Variants in BRCA1 observed in about 807,000 individuals in gnomAD.
The protein encoded by BRCA1 is BRCA1 DNA repair associated.
Under a neutral mutation model 173.7 loss-of-function variants are expected in BRCA1, and 140 were observed. That is an observed-to-expected ratio of 0.81 (90% CI 0.70 to 0.93). The LOEUF is 0.93. Among genes scored for constraint, BRCA1 ranks in the 40% least tolerant of loss-of-function variants. The pLI is 0.00. For missense variants in BRCA1, 1,983 were observed against 2,172.5 expected, an observed-to-expected ratio of 0.91 and a Z score of 1.73; for synonymous variants, 662 against 756.0, an observed-to-expected ratio of 0.88 and a Z score of 2.04.
chr17:43,141,799 GA>G (rs1163362922), intron 1 of BRCA1, among the ~76,000 whole-genome samples: 5 of 149,528 alleles, frequency 3.3e-5, no homozygotes, highest in African/African-American at 7.4e-5. Context: ...GCGACAGACC[GA>G]AAAAAAAAAT....
At chr17:43,143,773 T>C (rs1003388981) in intron 1 of BRCA1, among the ~76,000 whole-genome samples, 2 of 152,126 alleles carry the variant, frequency 1.3e-5, no homozygotes, top group Admixed American at 1.3e-4. Context: ...TACACGTGAA[T>C]GGAGAGGTAG....
chr17:43,129,638 T>A (rs559963943), upstream of BRCA1, among the ~76,000 whole-genome samples: 5 of 152,242 alleles, frequency 3.3e-5, no homozygotes, highest in Middle Eastern at 0.014. Flanking sequence ...CACGCCCAGC[T>A]AATTTTTTGT....
rs397509033 is a variant in BRCA1, at chr17:43,092,459, G to T, written c.3072C>A (p.Ser1024Arg). The T allele has an allele frequency of 6.2e-7, 1 of 1,613,828 alleles. No individual in the cohort carries two copies. Among genetic ancestry groups the T allele is most frequent in the South Asian group, 1.1e-5 (1 of 91,066 alleles). ...CTCTAATGTTATTACGGCTAATTGT[G>T]CTCACTGTACTTGGAATGTTCTCAT... ...MGNENIPSTV[S>R]TISRNNIREN... Residue 1024 changes from serine to arginine, a missense_variant, in exon 10 of 23, where the codon AGC becomes AGA. Transcript: ENST00000357654.
chr17:43,083,106 G>T (rs2053092459), intron 11 of BRCA1, among the ~76,000 whole-genome samples: 1 of 151,792 alleles, frequency 6.6e-6, no homozygotes, highest in Non-Finnish European at 1.5e-5. Context: ...ATCCTGCCTA[G>T]ATTACTGGCT....
At chr17:43,154,101 A>G (rs777161922) in intron 1 of BRCA1, among the ~76,000 whole-genome samples, 1 of 152,044 alleles carries the variant, frequency 6.6e-6, no homozygotes, top group Non-Finnish European at 1.5e-5. Flanking sequence ...CAGAAGGATC[A>G]CTTGAACCCT....
chr17:43,095,784 A>C, intron 9 of BRCA1, 62 bp downstream of exon 9: 1 of 1,316,354 alleles, frequency 7.6e-7, no homozygotes, highest in Non-Finnish European at 1.1e-6. Context: ...TAATCTAATT[A>C]CAGTACTGTA....
chr17:43,127,788 G>C (rs2055925216), upstream of BRCA1, among the ~76,000 whole-genome samples: 1 of 152,056 alleles, frequency 6.6e-6, no homozygotes, highest in South Asian at 2.1e-4. Flanking sequence ...AATTTGGGAG[G>C]CCTAGAGGGG....
chr17:43,074,574 A>G, intron 13 of BRCA1, 53 bp from the exon 14 acceptor site: 1 of 1,519,272 alleles, frequency 6.6e-7, no homozygotes, highest in Non-Finnish European at 9.1e-7. Flanking sequence ...TGAAAGGACA[A>G]ATCATACTTG....
upstream of BRCA1, among the ~76,000 whole-genome samples, chr17:43,127,010 C>T (rs1046733532): frequency 5.3e-5 from 8 of 152,204 alleles, no homozygotes; most frequent in East Asian, 1.9e-4. Context: ...ACTGCCGGCC[C>T]GCCTGCACCC....
chr17:43,063,855 GA>G lies in BRCA1; in HGVS notation c.5152+18del. On this transcript the variant is annotated intron_variant, in intron 17 of 22. Transcript: ENST00000357654. ...CTGAGGTGTTAAAGGGAGGAGGGGAGAAATAGTATTATACTTACAGAAATAG... is the reference window on the plus strand; with the variant it reads ...CTGAGGTGTTAAAGGGAGGAGGGGAGAATAGTATTATACTTACAGAAATAG... 1 of 1,598,242 alleles carries G rather than the reference GA, an allele frequency of 6.3e-7. No individual in the cohort carries two copies. The highest frequency in any genetic ancestry group is 8.6e-7 in the Non-Finnish European group (1 of 1,165,612).
At chr17:43,098,444 C>T (rs576531149) in intron 7 of BRCA1, among the ~76,000 whole-genome samples, 99 of 151,834 alleles carry the variant, frequency 6.5e-4, no homozygotes, top group African/African-American at 2.2e-3. Flanking sequence ...TTGTAACCTC[C>T]GCCTCCCTGG....
chr17:43,070,796 T>C, intron 15 of BRCA1, 132 bp downstream of exon 15: 2 of 1,084,920 alleles, frequency 1.8e-6, no homozygotes, highest in East Asian at 2.5e-5. Flanking sequence ...TAATCGAAAT[T>C]AAATTACACA....
intron 11 of BRCA1, among the ~76,000 whole-genome samples, chr17:43,088,947 GA>G (rs1205804463): frequency 6.6e-6 from 1 of 152,024 alleles, no homozygotes; most frequent in South Asian, 2.1e-4. Context: ...ATAAATAAAT[GA>G]AAAAAATAAA....
rs772975110 is a variant in BRCA1, at chr17:43,093,754, T to C, written c.1777A>G (p.Asn593Asp). ...TGGATATTTAATTCGAGTTCCATAT[T>C]GCTTATACTGCTGCTTATAGGTTCA... ...KAEPISSSIS[N>D]MELELNIHNS... is the part of the protein sequence containing the mutation. The change falls in exon 10 of 23, where the codon AAT (asparagine) becomes GAT (aspartate). Residue 593 changes from asparagine to aspartate, a missense_variant. By Grantham distance (23) the Asn-to-Asp change is conservative. Coordinates refer to ENST00000357654, the MANE Select transcript of BRCA1 (RefSeq NM_007294.4). 6.2e-7 allele frequency: 1 copy of C among 1,614,052 alleles called. No individual in the cohort carries two copies. Among genetic ancestry groups the C allele is most frequent in the Non-Finnish European group, 8.5e-7 (1 of 1,179,998 alleles).
At chr17:43,119,164 CT>C in intron 2 of BRCA1, 1 of 213,476 alleles carries the variant, frequency 4.7e-6, no homozygotes, top group Non-Finnish European at 9.5e-6. Flanking sequence ...AAATATTTAA[CT>C]TTTTAGAAAA....
At chr17:43,166,297 T>C (rs372301813) in intron 1 of BRCA1, 5 of 152,434 alleles carry the variant, frequency 3.3e-5, no homozygotes, top group African/African-American at 1.2e-4. Context: ...CAGCCACTTA[T>C]GCTGCTGTTC....
At chr17:43,089,083 C>T (rs1364216999) in intron 11 of BRCA1, among the ~76,000 whole-genome samples, 3 of 151,982 alleles carry the variant, frequency 2.0e-5, no homozygotes, top group African/African-American at 7.3e-5. Context: ...GAGGCTGAGA[C>T]GGGTGGATTA....
chr17:43,159,620 T>C, intron 1 of BRCA1: 1 of 246,936 alleles, frequency 4.0e-6, no homozygotes, highest in Non-Finnish European at 7.9e-6. Flanking sequence ...GAGGCGCTCC[T>C]CACATCACAG....
At position 43,045,359 on chromosome 17, in the gene BRCA1, A is replaced by G. The variant is rs756608161; in HGVS notation, c.*319T>C. ...CCAGCCCTAAGCCAACAACAGCCTG[A>G]ATAGAAAGAATAGGGCTGATAAATA... On this transcript the variant is annotated 3_prime_UTR_variant, in exon 23 of 23. Coordinates refer to ENST00000357654, the MANE Select transcript of BRCA1 (RefSeq NM_007294.4). The G allele has an allele frequency of 1.7e-6, 1 of 589,890 alleles. No individual in the cohort carries two copies. Among genetic ancestry groups the G allele is most frequent in the South Asian group, 1.5e-5 (1 of 65,704 alleles). 36.5% of individuals were successfully genotyped at this position (589,890 alleles called of 1,614,324 possible).
Sources: gnomAD v4.1 joint callset for allele counts (sites outside exome capture counted in the v4.1 genomes callset) on GRCh38, gnomAD v4.1.1 for gene constraint, MANE v1.5 for transcripts, NCBI Gene and HGNC (gene_info 2026-07-23, HGNC 2026-07-21) for gene names.